HEXB: variants seen among roughly 807,000 people sequenced by gnomAD.
HEXB encodes beta-hexosaminidase subunit beta.
Under a neutral mutation model 71.2 loss-of-function variants are expected in HEXB, and 51 were observed. The observed-to-expected ratio is 0.72, with a 90% CI of 0.57 to 0.90. The LOEUF (loss-of-function observed/expected upper bound fraction) is 0.90, where lower values mean the gene tolerates loss of function less well. Among genes scored for constraint, HEXB ranks in the 40% least tolerant of loss-of-function variants. HEXB has a pLI of 0.00. For missense variants in HEXB, 617 were observed against 677.0 expected, an observed-to-expected ratio of 0.91 and a Z score of 0.98; for synonymous variants, 266 against 249.3, an observed-to-expected ratio of 1.07 and a Z score of -0.63.
chr5:74,656,937 C>G (rs1748230915), intron 1 of HEXB, among the ~76,000 whole-genome samples: 1 of 152,176 alleles, frequency 6.6e-6, no homozygotes, highest in South Asian at 2.1e-4. Context: ...CAAAGTCTCT[C>G]TCATCTCAGT....
At chr5:74,696,839 C>T in intron 4 of HEXB, 100 bp downstream of exon 4, 1 of 777,330 alleles carries the variant, frequency 1.3e-6, no homozygotes, top group Non-Finnish European at 2.2e-6. Context: ...ATTTCATTTC[C>T]CCAGATATTT....
At chr5:74,667,259 CAA>C (rs58718203) in intron 1 of HEXB, among the ~76,000 whole-genome samples, 41 of 150,196 alleles carry the variant, frequency 2.7e-4, no homozygotes, top group Non-Finnish European at 4.9e-4. Flanking sequence ...ACTAAAATTA[CAA>C]AAAAAAAACT....
intron 2 of HEXB, among the ~76,000 whole-genome samples, chr5:74,691,622 C>G (rs563618333): frequency 1.3e-5 from 2 of 152,146 alleles, no homozygotes; most frequent in Non-Finnish European, 2.9e-5. Context: ...CAGGAACACA[C>G]GCATAAAGCA....
intron 3 of HEXB, among the ~76,000 whole-genome samples, chr5:74,695,865 C>T (rs1466036803): frequency 6.6e-6 from 1 of 151,112 alleles, no homozygotes; most frequent in Non-Finnish European, 1.5e-5. Flanking sequence ...AAGATAAAAC[C>T]ACTCTTGCGA....
intron 1 of HEXB, among the ~76,000 whole-genome samples, chr5:74,661,531 G>C (rs948526038): frequency 6.6e-5 from 9 of 135,410 alleles, no homozygotes; most frequent in African/African-American, 2.4e-4. Flanking sequence ...GTGTGTGTGT[G>C]TGTGTGTGTG....
intron 1 of HEXB, among the ~76,000 whole-genome samples, chr5:74,654,911 G>A (rs1748188593): frequency 6.6e-6 from 1 of 152,164 alleles, no homozygotes; most frequent in Admixed American, 6.5e-5. Context: ...GCCATTGACT[G>A]GGACAGCGGG....
intron 13 of HEXB, 102 bp downstream of exon 13, chr5:74,720,849 A>G (rs1749822897): frequency 2.1e-6 from 2 of 941,938 alleles, no homozygotes; most frequent in Non-Finnish European, 3.4e-6. Flanking sequence ...AATAGTAATT[A>G]GAAGAAACCA....
chr5:74,665,249 A>G (rs1430595905), intron 1 of HEXB, among the ~76,000 whole-genome samples: 1 of 152,262 alleles, frequency 6.6e-6, no homozygotes, highest in Admixed American at 6.5e-5. Context: ...TATAGGAAGC[A>G]TGGCTAAAAT....
chr5:74,721,164 G>GAGAACATGT lies in HEXB; in HGVS notation c.1662_1670dup (p.Ter557delinsTer). 1.2e-6 allele frequency: 2 copies of GAGAACATGT among 1,613,000 alleles called. No homozygotes were observed. Among genetic ancestry groups the GAGAACATGT allele is most frequent in the Non-Finnish European group, 1.7e-6 (2 of 1,179,146 alleles). The stretch of plus-strand genomic sequence containing the variant: ...TCTTTATGCTGGATATTGTAACCAT[G>GAGAACATGT]AGAACATGTAAAAAATGGAGGGGAA... On this transcript the variant is annotated stop_gained and inframe_insertion, in exon 14 of 14. Transcript: ENST00000261416. LOFTEE classifies it high-confidence loss of function.
upstream of HEXB, among the ~76,000 whole-genome samples, chr5:74,680,545 G>A (rs1277405093): frequency 1.3e-5 from 2 of 152,196 alleles, no homozygotes; most frequent in African/African-American, 2.4e-5. Context: ...CTAAAGGGAT[G>A]AGATTTTTGG....
intron 1 of HEXB, among the ~76,000 whole-genome samples, chr5:74,672,205 A>G (rs949658128): frequency 4.6e-5 from 7 of 152,200 alleles, no homozygotes; most frequent in African/African-American, 1.7e-4. Flanking sequence ...TGCCTGTGGT[A>G]CACACTGCGA....
chr5:74,674,284 G>A lies in HEXB; in HGVS notation c.-376-15044G>A, dbSNP rs1284223974. Among the ~76,000 whole-genome samples, 7 of 152,148 alleles carry A rather than the reference G, an allele frequency of 4.6e-5. No homozygotes were observed. The East Asian group carries it at 1.4e-3, about 29-fold the overall frequency. On this transcript the variant is annotated intron_variant, in intron 1 of 13. Coordinates refer to the HEXB transcript ENST00000511181. Reference sequence around the variant, plus strand: ...AAAGGGGAAGTTAAATCTATAACAAGAGTCCAAGGTCATCAATTAAGAAGA... The same window carrying A: ...AAAGGGGAAGTTAAATCTATAACAAAAGTCCAAGGTCATCAATTAAGAAGA...
upstream of HEXB, among the ~76,000 whole-genome samples, chr5:74,683,727 T>G (rs1237875575): frequency 1.3e-5 from 2 of 152,026 alleles, no homozygotes; most frequent in African/African-American, 4.8e-5. Flanking sequence ...CTTCTGACTC[T>G]CTTTTCTTCA....
intron 1 of HEXB, among the ~76,000 whole-genome samples, chr5:74,678,221 C>T (rs1388490183): frequency 6.6e-6 from 1 of 151,954 alleles, no homozygotes; most frequent in Non-Finnish European, 1.5e-5. Context: ...TCACTTGAAC[C>T]CAGAAGGCGG....
At chr5:74,677,453 A>G (rs1304676580) in intron 1 of HEXB, among the ~76,000 whole-genome samples, 1 of 143,204 alleles carries the variant, frequency 7.0e-6, no homozygotes, top group Non-Finnish European at 1.5e-5. Context: ...GCTGTATTGC[A>G]TTCTATTAAA....
At chr5:74,721,084 C>CAATCT (rs756032758) in intron 13 of HEXB, 34 bp from the exon 14 acceptor site, 2 of 1,500,308 alleles carry the variant, frequency 1.3e-6, no homozygotes, top group African/African-American at 1.4e-5. Flanking sequence ...CAATCTAAAT[C>CAATCT]AATCTAAAAT....
At position 74,693,698 on chromosome 5, in the gene HEXB, T is replaced by G; in HGVS notation, c.505T>G (p.Leu169Val). 1 of 1,611,154 alleles carries G rather than the reference T, an allele frequency of 6.2e-7. No homozygotes were observed. Among genetic ancestry groups the G allele is most frequent in the Non-Finnish European group, 8.5e-7 (1 of 1,177,300 alleles). ...TAAGGCCAACAGAGTTTGGGGAGCA[T>G]TACGAGGTAAGTTCCATGCAGTTTC... The part of the protein sequence containing the change: ...VLKANRVWGA[L>V]RGLETFSQLV... The change falls in exon 3 of 14, where the codon TTA becomes GTA. Residue 169 changes from leucine (L) to valine (V), a missense_variant. Coordinates refer to ENST00000261416, the MANE Select transcript of HEXB (RefSeq NM_000521.4).
At chr5:74,688,922 C>A (rs998271932) in intron 1 of HEXB, among the ~76,000 whole-genome samples, 3 of 152,212 alleles carry the variant, frequency 2.0e-5, no homozygotes, top group African/African-American at 7.2e-5. Context: ...CTCTCACATA[C>A]AGAGAAACGA....
chr5:74,646,388 C>G, intron 1 of HEXB, among the ~76,000 whole-genome samples: 1 of 152,084 alleles, frequency 6.6e-6, no homozygotes, highest in East Asian at 1.9e-4. Context: ...GTTCACAGAT[C>G]TCTTAGAGTG....
Sources: gnomAD v4.1 joint callset for allele counts (sites outside exome capture counted in the v4.1 genomes callset) on GRCh38, gnomAD v4.1.1 for gene constraint, MANE v1.5 for transcripts, NCBI Gene and HGNC (gene_info 2026-07-23, HGNC 2026-07-21) for gene names.